EMG1: variants seen among roughly 807,000 people sequenced by gnomAD.
The protein encoded by EMG1 is ribosomal RNA small subunit methyltransferase NEP1.
A neutral mutation model predicts 26.9 loss-of-function variants in EMG1; 24 were observed. The observed-to-expected ratio is 0.89, with a 90% CI of 0.65 to 1.26. The LOEUF is 1.26. EMG1 is among the 50% of genes most tolerant of loss of function. The pLI is 0.00. For missense variants in EMG1, 299 were observed against 307.6 expected, an observed-to-expected ratio of 0.97 and a Z score of 0.21; for synonymous variants, 140 against 112.6, an observed-to-expected ratio of 1.24 and a Z score of -1.54.
In EMG1 at chr12:6,974,639, G is replaced by A. The variant is rs1555152817; in HGVS notation, c.358G>A (p.Val120Met). ...TACACAGAAGAATGTTCTGATTGAA[G>A]TGAATCCCCAGACCCGAATTCCCAG... ...IHTQKNVLIE[V>M]NPQTRIPRTF... Residue 120 changes from valine to methionine, a missense_variant, in exon 3 of 6, where the codon GTG becomes ATG. Transcript: ENST00000599672. 1.2e-6 allele frequency: 2 copies of A among 1,614,016 alleles called. No individual in the cohort carries two copies. The highest frequency in any genetic ancestry group is 2.2e-5 in the South Asian group (2 of 91,082).
chr12:6,982,328 T>G (rs1287012309), downstream of EMG1, among the ~76,000 whole-genome samples: 2 of 152,172 alleles, frequency 1.3e-5, no homozygotes, highest in African/African-American at 4.8e-5. Context: ...TGTGAGCCAC[T>G]TTGCCTGGCC....
chr12:6,995,651 C>T (rs1361729709), intron 7 of EMG1, among the ~76,000 whole-genome samples: 8 of 151,978 alleles, frequency 5.3e-5, no homozygotes, highest in Non-Finnish European at 8.8e-5. Flanking sequence ...CCCTTAAATC[C>T]TTGCAATGGC....
chr12:6,993,859 A>G (rs1237384507), intron 7 of EMG1, among the ~76,000 whole-genome samples: 6 of 152,084 alleles, frequency 3.9e-5, no homozygotes, highest in African/African-American at 1.4e-4. Context: ...TGATCTGTCC[A>G]CCTCAGCTTC....
chr12:6,985,670 G>A (rs1197155640), intron 6 of EMG1, among the ~76,000 whole-genome samples: 13 of 151,984 alleles, frequency 8.6e-5, no homozygotes, highest in South Asian at 4.1e-4. Flanking sequence ...AGCTGAGATC[G>A]TGCCATTGCA....
In EMG1 at chr12:6,977,484, C is replaced by T; in HGVS notation, c.*1675C>T. The T allele has an allele frequency of 6.2e-7, 1 of 1,614,192 alleles. No individual in the cohort carries two copies. The highest frequency in any genetic ancestry group is 8.5e-7 in the Non-Finnish European group (1 of 1,180,038). On this transcript the variant is annotated 3_prime_UTR_variant, in exon 6 of 6. Coordinates refer to ENST00000599672, the MANE Select transcript of EMG1 (RefSeq NM_006331.8). The surrounding 1 kb of genome is among the most constrained non-coding windows in gnomAD (Gnocchi z 4.5). ...AGGGCTGGAGGACAGTAATGGCGGC[C>T]AGCTTGCTCAGGGTGGGGCTCTCTT...
At position 6,979,883 on chromosome 12, in the gene EMG1, C is replaced by T. The variant is rs1403692609; in HGVS notation, c.*4074C>T. 2.4e-5 allele frequency: 8 copies of T among 328,208 alleles called. No individual in the cohort carries two copies. The highest frequency in any genetic ancestry group is 3.4e-5 in the Non-Finnish European group (6 of 178,752). 20.3% of individuals were successfully genotyped at this position (328,208 alleles called of 1,614,324 possible). A position where few individuals can be genotyped will look rare whatever the true frequency, so the allele number is the denominator to read the frequency against. On this transcript the variant is annotated 3_prime_UTR_variant, in exon 6 of 6. Transcript: ENST00000599672. ...AAGGTCTTGCCAGGTCTCACAATCT[C>T]CATTGGGACTGAAAACCCAGTGGAG...
At chr12:6,990,769 C>CATT, downstream of EMG1, among the ~76,000 whole-genome samples, 2 of 149,986 alleles carry the variant, frequency 1.3e-5, no homozygotes, top group South Asian at 4.2e-4. Flanking sequence ...ATACAAAAAC[C>CATT]AGCCAGACAT....
intron 6 of EMG1, among the ~76,000 whole-genome samples, chr12:6,985,126 T>C (rs1946508920): frequency 1.4e-5 from 2 of 141,096 alleles, no homozygotes; most frequent in Non-Finnish European, 1.5e-5. Context: ...GCGCGGTGGC[T>C]CATGCCTGTA....
chr12:6,982,702 C>T (rs142589366), downstream of EMG1: 799 of 1,613,312 alleles, frequency 5.0e-4, no homozygotes, highest in Non-Finnish European at 6.2e-4. Flanking sequence ...GTAGTGAGGA[C>T]GGCAGTGATG....
rs782208139 is a variant in EMG1 at position 6,975,776 on chromosome 12, C to T, written c.702C>T (p.Thr234=). Residue 234 remains threonine (T), a synonymous_variant, in exon 6 of 6, where the codon ACC becomes ACT. Coordinates refer to ENST00000599672, the MANE Select transcript of EMG1 (RefSeq NM_006331.8). ...LSAALTCAKL[T]TAFEEVWGVI is the part of the protein sequence containing the mutation. Reference sequence around the variant, plus strand: ...CTGCCCTCACCTGTGCAAAACTTACCACAGCCTTTGAGGAAGTATGGGGGG... The same window carrying T: ...CTGCCCTCACCTGTGCAAAACTTACTACAGCCTTTGAGGAAGTATGGGGGG... 8 of 1,612,746 alleles carry T rather than the reference C, an allele frequency of 5.0e-6. No individual in the cohort carries two copies. The highest frequency in any genetic ancestry group is 1.7e-5 in the Admixed American group (1 of 60,028).
At position 6,974,633 on chromosome 12, in the gene EMG1, A is replaced by G. The variant is rs1246417980; in HGVS notation, c.352A>G (p.Ile118Val). 6.2e-7 allele frequency: 1 copy of G among 1,613,882 alleles called. No individual in the cohort carries two copies. Among genetic ancestry groups the G allele is most frequent in the Non-Finnish European group, 8.5e-7 (1 of 1,179,906 alleles). ...VYIHTQKNVL[I>V]EVNPQTRIPR... is the part of the protein sequence containing the mutation. ...TATCCATACACAGAAGAATGTTCTG[A>G]TTGAAGTGAATCCCCAGACCCGAAT... The change falls in exon 3 of 6, where the codon ATT becomes GTT. Residue 118 changes from isoleucine (I) to valine (V), a missense_variant. Physicochemically the swap from Ile to Val is conservative, Grantham distance 29. Coordinates refer to ENST00000599672, the MANE Select transcript of EMG1 (RefSeq NM_006331.8).
chr12:6,981,580 T>G (rs782263726), downstream of EMG1: 5 of 1,613,600 alleles, frequency 3.1e-6, no homozygotes, highest in Admixed American at 5.0e-5. Flanking sequence ...TCTCTGCCGA[T>G]GAATGGGTAC....
intron 6 of EMG1, among the ~76,000 whole-genome samples, chr12:6,985,089 T>TAAAA (rs10559240): frequency 8.9e-6 from 1 of 112,606 alleles, no homozygotes; most frequent in South Asian, 3.1e-4. Context: ...CCCCATACAT[T>TAAAA]AAAAAAAAAA....
chr12:6,997,239 G>A (rs1946643994), exon 8 of EMG1: 1 of 151,956 alleles, frequency 6.6e-6, no homozygotes, highest in African/African-American at 2.4e-5. Context: ...TCACTCTGTT[G>A]CCCAGGCTGG....
At chr12:6,981,071 A>G, downstream of EMG1, 1 of 1,613,506 alleles carries the variant, frequency 6.2e-7, no homozygotes, top group Non-Finnish European at 8.5e-7. Context: ...TGATTCATTG[A>G]GAACTGGGGC....
chr12:6,992,308 G>A (rs868944934), downstream of EMG1, among the ~76,000 whole-genome samples: 1 of 151,824 alleles, frequency 6.6e-6, no homozygotes, highest in African/African-American at 2.4e-5. Context: ...ACTCTAGCCT[G>A]GGTAAGACCC....
rs1319875906 is a variant in EMG1, at chr12:6,978,196, TG to T, written c.*2392del. On this transcript the variant is annotated 3_prime_UTR_variant, in exon 6 of 6. Transcript: ENST00000599672. ...GGTTTTTTTGGGAGGGGGGTATAGG[TG>T]GGGGTCAAAGTCAGTGTGAGCGACA... 7 of 824,406 alleles carry T rather than the reference TG, an allele frequency of 8.5e-6. No homozygotes were observed. The East Asian group carries it at 1.1e-4, about 13-fold the overall frequency. The allele number at this position is 824,406 out of a possible 1,614,324, so 51.1% of individuals were successfully genotyped here. A position where few individuals can be genotyped will look rare whatever the true frequency, so the allele number is the denominator to read the frequency against.
At chr12:6,973,349 G>A (rs1422905883) in intron 1 of EMG1, among the ~76,000 whole-genome samples, 1 of 151,260 alleles carries the variant, frequency 6.6e-6, no homozygotes, top group Non-Finnish European at 1.5e-5. Context: ...TGTATTTTTA[G>A]TAGAGATGGG....
downstream of EMG1, among the ~76,000 whole-genome samples, chr12:6,990,044 G>A (rs1185377995): frequency 6.6e-6 from 1 of 151,660 alleles, no homozygotes; most frequent in Non-Finnish European, 1.5e-5. Flanking sequence ...GGGGTGGGTG[G>A]TGCGTGCCTG....
Sources: gnomAD v4.1 joint callset for allele counts (sites outside exome capture counted in the v4.1 genomes callset) on GRCh38, gnomAD v4.1.1 for gene constraint, Gnocchi (gnomAD v3.1) non-coding constraint, MANE v1.5 for transcripts, NCBI Gene and HGNC (gene_info 2026-07-23, HGNC 2026-07-21) for gene names.